Variants in CD2AP observed in about 807,000 individuals in gnomAD.
The protein encoded by CD2AP is CD2 associated protein, also known as CD2-associated protein.
A neutral mutation model predicts 85.1 loss-of-function variants in CD2AP; 46 were observed. That is an observed-to-expected ratio of 0.54 (90% CI 0.43 to 0.69). CD2AP has a LOEUF of 0.69. Ranked by LOEUF, CD2AP falls within the 30% of genes least tolerant of loss-of-function variation. The probability of loss-of-function intolerance (pLI) is 0.00; values close to 1 mark genes in which losing one functional copy is unlikely to be tolerated. For synonymous variants in CD2AP, 255 were observed against 252.9 expected, an observed-to-expected ratio of 1.01 and a Z score of -0.08; for missense variants, 769 against 729.5, an observed-to-expected ratio of 1.05 and a Z score of -0.62.
chr6:47,551,266 C>G (rs974316455), intron 4 of CD2AP, among the ~76,000 whole-genome samples: 2 of 152,050 alleles, frequency 1.3e-5, no homozygotes, highest in African/African-American at 4.8e-5. Context: ...TTTAATTTCA[C>G]AGTTGAAGGT....
At chr6:47,568,343 C>G (rs915824003) in intron 5 of CD2AP, among the ~76,000 whole-genome samples, 1 of 152,096 alleles carries the variant, frequency 6.6e-6, no homozygotes, top group African/African-American at 2.4e-5. Flanking sequence ...GTGAGAGCAT[C>G]CAAATGAAGA....
chr6:47,592,857 A>G (rs780680934), intron 11 of CD2AP, among the ~76,000 whole-genome samples: 1 of 152,144 alleles, frequency 6.6e-6, no homozygotes, highest in African/African-American at 2.4e-5. Flanking sequence ...TATCCTTTAT[A>G]ATAAACTGTT....
At chr6:47,507,532 C>T (rs1285077278) in intron 2 of CD2AP, among the ~76,000 whole-genome samples, 2 of 152,114 alleles carry the variant, frequency 1.3e-5, no homozygotes, top group African/African-American at 2.4e-5. Flanking sequence ...CAGGTTCAAG[C>T]GATTCTCCTC....
intron 11 of CD2AP, among the ~76,000 whole-genome samples, chr6:47,594,903 A>G (rs1768897181): frequency 6.6e-6 from 1 of 152,076 alleles, no homozygotes; most frequent in Non-Finnish European, 1.5e-5. Flanking sequence ...TATAATCACC[A>G]GTTTCTGGTT....
intron 13 of CD2AP, among the ~76,000 whole-genome samples, chr6:47,599,952 T>G (rs1769083724): frequency 6.6e-6 from 1 of 150,938 alleles, no homozygotes; most frequent in Non-Finnish European, 1.5e-5. Context: ...CTTACTGATA[T>G]CTTTGTCTAA....
Position 47,478,163 on chromosome 6 carries a change from C to T in CD2AP, c.-82C>T. The stretch of plus-strand genomic sequence containing the variant: ...CGCGGAGCGCGGGTCCCGCCTCCAG[C>T]CGCGGGAGCGGCCGCGCGAGCCACC... On this transcript the variant is annotated 5_prime_UTR_variant, in exon 1 of 18. Coordinates refer to ENST00000359314, the MANE Select transcript of CD2AP (RefSeq NM_012120.3). 6.6e-7 allele frequency: 1 copy of T among 1,523,070 alleles called. No individual in the cohort carries two copies. The highest frequency in any genetic ancestry group is 8.9e-7 in the Non-Finnish European group (1 of 1,123,610). 94.3% of individuals were successfully genotyped at this position (1,523,070 alleles called of 1,614,324 possible). A position where few individuals can be genotyped will look rare whatever the true frequency, so the allele number is the denominator to read the frequency against.
intron 5 of CD2AP, among the ~76,000 whole-genome samples, chr6:47,569,188 G>A (rs1283257082): frequency 6.6e-6 from 1 of 152,138 alleles, no homozygotes; most frequent in Non-Finnish European, 1.5e-5. Context: ...AAAAGGAAAA[G>A]TGTTGATCAT....
chr6:47,592,381 T>G (rs1469526714), intron 11 of CD2AP, among the ~76,000 whole-genome samples: 1 of 152,116 alleles, frequency 6.6e-6, no homozygotes, highest in Non-Finnish European at 1.5e-5. Context: ...ATATAAGAGT[T>G]AAAACTCTTA....
intron 2 of CD2AP, among the ~76,000 whole-genome samples, chr6:47,514,418 G>A (rs9349411): frequency 0.31 from 47,739 of 152,040 alleles, 8,652 homozygotes; most frequent in Middle Eastern, 0.52. Context: ...TAACTTCAAT[G>A]TTTTAGACTA....
chr6:47,623,280 C>T (rs1769812836), intron 17 of CD2AP, among the ~76,000 whole-genome samples: 1 of 152,144 alleles, frequency 6.6e-6, no homozygotes, highest in African/African-American at 2.4e-5. Context: ...CTAGCCAAAG[C>T]ATGTATTGTT....
At chr6:47,580,125 A>C (rs1342054952) in intron 9 of CD2AP, among the ~76,000 whole-genome samples, 1 of 152,202 alleles carries the variant, frequency 6.6e-6, no homozygotes, top group Non-Finnish European at 1.5e-5. Context: ...ATGGAAGCTT[A>C]GGCTGTCTGA....
At chr6:47,611,792 CAAACA>C (rs1267733980) in intron 16 of CD2AP, among the ~76,000 whole-genome samples, 6 of 151,690 alleles carry the variant, frequency 4.0e-5, no homozygotes, top group Non-Finnish European at 8.8e-5. Flanking sequence ...ATGAATCAGC[CAAACA>C]AAAAACCTCG....
intron 3 of CD2AP, among the ~76,000 whole-genome samples, chr6:47,534,065 G>A (rs1766963329): frequency 6.6e-6 from 1 of 152,166 alleles, no homozygotes; most frequent in African/African-American, 2.4e-5. Context: ...GTGGGATTCT[G>A]AAATATCTGC....
At chr6:47,594,533 C>A (rs1768887179) in intron 11 of CD2AP, among the ~76,000 whole-genome samples, 1 of 151,918 alleles carries the variant, frequency 6.6e-6, no homozygotes, top group South Asian at 2.1e-4. Context: ...TATCCTTTGA[C>A]CATTTTTCTT....
chr6:47,525,931 A>G (rs981032479), intron 2 of CD2AP, among the ~76,000 whole-genome samples: 1 of 152,126 alleles, frequency 6.6e-6, no homozygotes, highest in African/African-American at 2.4e-5. Context: ...GTTTGCTTTG[A>G]CTATACATGA....
chr6:47,622,426 C>T (rs12664165), intron 17 of CD2AP, among the ~76,000 whole-genome samples: 5 of 144,464 alleles, frequency 3.5e-5, no homozygotes, highest in Admixed American at 1.4e-4. Context: ...AGTTTTACCC[C>T]CTGCTTCTCT....
At chr6:47,512,307 A>C (rs1228002137) in intron 2 of CD2AP, among the ~76,000 whole-genome samples, 2 of 152,194 alleles carry the variant, frequency 1.3e-5, no homozygotes, top group East Asian at 1.9e-4. Flanking sequence ...GCACCACTGC[A>C]CTCCAGCCTG....
intron 1 of CD2AP, among the ~76,000 whole-genome samples, chr6:47,501,114 T>C (rs1477375758): frequency 6.6e-6 from 1 of 152,308 alleles, no homozygotes; most frequent in East Asian, 1.9e-4. Context: ...CAGCTGGGCA[T>C]GGTGGCTCAC....
chr6:47,555,588 A>T, intron 5 of CD2AP, among the ~76,000 whole-genome samples: 1 of 152,182 alleles, frequency 6.6e-6, no homozygotes, highest in East Asian at 1.9e-4. Context: ...AAATATATGA[A>T]AACTAAATAT....
Sources: allele counts gnomAD v4.1 joint callset (sites outside exome capture counted in the v4.1 genomes callset), GRCh38; gene constraint gnomAD v4.1.1; transcripts MANE v1.5; gene names NCBI Gene and HGNC (gene_info 2026-07-23, HGNC 2026-07-21).